The following OPCML variants were observed in gnomAD, a reference collection of about 807,000 sequenced individuals.
The protein encoded by OPCML is opioid binding protein/cell adhesion molecule like.
In OPCML, 13 loss-of-function variants were observed where a neutral mutation model predicts 37.8. The ratio of observed to expected loss-of-function variants is 0.34; its 90% CI spans 0.22 to 0.55. OPCML has a LOEUF of 0.55. Ranked by LOEUF, OPCML falls within the 20% of genes least tolerant of loss-of-function variation. The pLI is 0.91. For missense variants in OPCML, 341 were observed against 435.6 expected, an observed-to-expected ratio of 0.78 and a Z score of 1.93; for synonymous variants, 176 against 168.8, an observed-to-expected ratio of 1.04 and a Z score of -0.33.
At chr11:132,563,494 C>A (rs150834692) in intron 3 of OPCML, among the ~76,000 whole-genome samples, 20 of 151,574 alleles carry the variant, frequency 1.3e-4, no homozygotes, top group Non-Finnish European at 2.6e-4. Context: ...GGCTTTTGGA[C>A]GGGCTGATGG....
At chr11:132,424,048 T>C (rs2095969272) in intron 7 of OPCML, among the ~76,000 whole-genome samples, 1 of 152,186 alleles carries the variant, frequency 6.6e-6, no homozygotes, top group African/African-American at 2.4e-5. Flanking sequence ...GAAACCCAGA[T>C]GTTTGTATTT....
At chr11:132,875,152 G>A (rs1357100668) in intron 2 of OPCML, among the ~76,000 whole-genome samples, 2 of 152,078 alleles carry the variant, frequency 1.3e-5, no homozygotes, top group Non-Finnish European at 2.9e-5. Context: ...ATAATAATTT[G>A]CTTCATGTAA....
At chr11:133,152,651 C>T (rs1950003599) in intron 1 of OPCML, among the ~76,000 whole-genome samples, 1 of 152,028 alleles carries the variant, frequency 6.6e-6, no homozygotes, top group African/African-American at 2.4e-5. Flanking sequence ...TGGGAGTGTT[C>T]ACGTGCTAAT....
chr11:132,432,293 AGGCATAATTAT>A (rs1174977837), intron 7 of OPCML, among the ~76,000 whole-genome samples: 1 of 152,226 alleles, frequency 6.6e-6, no homozygotes, highest in African/African-American at 2.4e-5. Flanking sequence ...GGTAATAATT[AGGCATAATTAT>A]GGGGGCATTG....
intron 1 of OPCML, among the ~76,000 whole-genome samples, chr11:133,523,075 C>T (rs556476266): frequency 6.6e-6 from 1 of 152,164 alleles, no homozygotes; most frequent in East Asian, 1.9e-4. Flanking sequence ...AGGAAACAAC[C>T]ACAGACAGAA....
intron 1 of OPCML, among the ~76,000 whole-genome samples, chr11:133,455,427 A>G (rs1008326983): frequency 2.0e-4 from 31 of 152,170 alleles, no homozygotes; most frequent in Admixed American, 2.0e-3. Flanking sequence ...GCATCTAATG[A>G]ATGTTCTCAG....
chr11:132,728,619 T>C (rs1261962390), intron 2 of OPCML, among the ~76,000 whole-genome samples: 4 of 152,152 alleles, frequency 2.6e-5, no homozygotes, highest in Non-Finnish European at 5.9e-5. Context: ...GGTGACAGGG[T>C]ATAACTTGTT....
chr11:132,956,637 C>G (rs1016307603), intron 1 of OPCML, among the ~76,000 whole-genome samples: 2 of 152,180 alleles, frequency 1.3e-5, no homozygotes, highest in Non-Finnish European at 2.9e-5. Context: ...CTCACCACCA[C>G]CACACTTATG....
intron 4 of OPCML, among the ~76,000 whole-genome samples, chr11:132,483,623 A>G (rs1382290860): frequency 2.6e-5 from 4 of 152,208 alleles, no homozygotes; most frequent in Non-Finnish European, 5.9e-5. Flanking sequence ...GTCCTAAGCC[A>G]AAAGAACAAA....
At chr11:133,161,396 T>A (rs1439726709) in intron 1 of OPCML, among the ~76,000 whole-genome samples, 2 of 152,170 alleles carry the variant, frequency 1.3e-5, no homozygotes, top group African/African-American at 4.8e-5. Flanking sequence ...TCCTAGAAGA[T>A]AAGATTCCTG....
chr11:133,178,008 T>G (rs1592076772), intron 1 of OPCML, among the ~76,000 whole-genome samples: 1 of 152,164 alleles, frequency 6.6e-6, no homozygotes, highest in African/African-American at 2.4e-5. Context: ...GTTTTGTCAA[T>G]ACACATATTC....
intron 4 of OPCML, among the ~76,000 whole-genome samples, chr11:132,442,265 A>C (rs1036513715): frequency 6.6e-6 from 1 of 152,198 alleles, no homozygotes; most frequent in African/African-American, 2.4e-5. Flanking sequence ...TGAGTCAAAC[A>C]GATTTATTAG....
chr11:132,863,682 G>C (rs1332954679), intron 2 of OPCML, among the ~76,000 whole-genome samples: 3 of 152,154 alleles, frequency 2.0e-5, no homozygotes, highest in Admixed American at 2.0e-4. Context: ...ACTGGCCATA[G>C]AGAAATCATC....
At chr11:132,518,187 C>G (rs1179642475) in intron 4 of OPCML, among the ~76,000 whole-genome samples, 1 of 152,152 alleles carries the variant, frequency 6.6e-6, no homozygotes, top group Non-Finnish European at 1.5e-5. Context: ...GTTTTAAGAC[C>G]CGCATGCATT....
intron 2 of OPCML, among the ~76,000 whole-genome samples, chr11:132,798,930 G>T (rs879711950): frequency 1.6e-4 from 24 of 152,162 alleles, no homozygotes; most frequent in Non-Finnish European, 2.5e-4. Context: ...TCAACTGTGG[G>T]TTCAAAATAT....
intron 3 of OPCML, among the ~76,000 whole-genome samples, chr11:132,623,782 T>C (rs1939571795): frequency 6.6e-6 from 1 of 152,178 alleles, no homozygotes; most frequent in Non-Finnish European, 1.5e-5. Flanking sequence ...ACAGTAAAAA[T>C]ACATTGCTTT....
chr11:132,731,362 A>T (rs1945069350), intron 2 of OPCML, among the ~76,000 whole-genome samples: 2 of 152,210 alleles, frequency 1.3e-5, no homozygotes, highest in African/African-American at 4.8e-5. Flanking sequence ...AATAAATCTG[A>T]TGGTGATGCC....
intron 1 of OPCML, among the ~76,000 whole-genome samples, chr11:133,333,802 C>CA (rs1943679381): frequency 6.6e-6 from 1 of 151,932 alleles, no homozygotes. Flanking sequence ...AAGAGAAAAA[C>CA]AAAAAACCCC....
At chr11:132,726,938 T>G (rs1029504978) in intron 2 of OPCML, among the ~76,000 whole-genome samples, 37 of 152,178 alleles carry the variant, frequency 2.4e-4, no homozygotes, top group African/African-American at 8.2e-4. Context: ...ACAGTAAAAC[T>G]CCGTTTTAAT....
Sources: allele counts gnomAD v4.1 joint callset (sites outside exome capture counted in the v4.1 genomes callset), GRCh38; gene constraint gnomAD v4.1.1; transcripts MANE v1.5; gene names NCBI Gene and HGNC (gene_info 2026-07-23, HGNC 2026-07-21).